FHIT: variants seen among roughly 807,000 people sequenced by gnomAD.
The protein encoded by FHIT is bis(5'-adenosyl)-triphosphatase.
In FHIT, 19 loss-of-function variants were observed where a neutral mutation model predicts 17.9. The observed-to-expected ratio is 1.06, with a 90% CI of 0.74 to 1.56. The LOEUF (loss-of-function observed/expected upper bound fraction) is 1.56. Among genes scored for constraint, FHIT ranks in the 40% most tolerant of loss-of-function variants. FHIT has a pLI of 0.00. For synonymous variants in FHIT, 81 were observed against 69.7 expected, an observed-to-expected ratio of 1.16 and a Z score of -0.81; for missense variants, 248 against 189.2, an observed-to-expected ratio of 1.31 and a Z score of -1.82.
chr3:60,101,618 C>T (rs764591015), intron 5 of FHIT, among the ~76,000 whole-genome samples: 1 of 152,194 alleles, frequency 6.6e-6, no homozygotes, highest in Admixed American at 6.5e-5. Flanking sequence ...CTTCAATTTT[C>T]CCTATTGGAA....
At chr3:60,889,673 T>C (rs1245058460) in intron 3 of FHIT, among the ~76,000 whole-genome samples, 1 of 152,156 alleles carries the variant, frequency 6.6e-6, no homozygotes, top group Non-Finnish European at 1.5e-5. Flanking sequence ...TATAGCTGTA[T>C]GGGTGGTTCA....
At chr3:60,708,182 G>T (rs1456912990) in intron 4 of FHIT, among the ~76,000 whole-genome samples, 1 of 152,118 alleles carries the variant, frequency 6.6e-6, no homozygotes, top group East Asian at 1.9e-4. Flanking sequence ...TCAGCAAACG[G>T]ATTCCTAAGC....
intron 8 of FHIT, among the ~76,000 whole-genome samples, chr3:59,910,587 A>AACC (rs1483906690): frequency 1.3e-5 from 2 of 152,124 alleles, no homozygotes; most frequent in African/African-American, 4.8e-5. Flanking sequence ...CTAGATGGGT[A>AACC]GGTCTTGAGT....
rs199966758 is a variant in FHIT at position 61,033,256 on chromosome 3, T to C, written c.-111+8791A>G. On this transcript the variant is annotated intron_variant, in intron 3 of 9. Coordinates refer to ENST00000492590, the MANE Select transcript of FHIT (RefSeq NM_002012.4). ...CGTATTTTTGTTAACAAAGCTTTACTGGAACACAGCCAGTTATTTGTTTAC... is the reference window on the plus strand; with the variant it reads ...CGTATTTTTGTTAACAAAGCTTTACCGGAACACAGCCAGTTATTTGTTTAC... Among the ~76,000 whole-genome samples, 11 of 152,328 alleles carry C rather than the reference T, an allele frequency of 7.2e-5. No individual in the cohort carries two copies. The East Asian group carries it at 2.1e-3, about 29-fold the overall frequency.
At chr3:60,250,174 T>C (rs575784017) in intron 5 of FHIT, among the ~76,000 whole-genome samples, 120 of 152,158 alleles carry the variant, frequency 7.9e-4, no homozygotes, top group Non-Finnish European at 1.2e-3. Flanking sequence ...AGAGAGGCCA[T>C]ACATGCACTA....
intron 4 of FHIT, among the ~76,000 whole-genome samples, chr3:60,666,864 C>CTT (rs71092626): frequency 0.012 from 1,513 of 122,134 alleles, 43 homozygotes; most frequent in African/African-American, 0.027. Flanking sequence ...CTTTTCTTTT[C>CTT]TTTTTTTTTT....
Position 60,441,740 on chromosome 3 carries a change from A to ATATATATATTTG in FHIT, c.103+95119_103+95120insCAAATATATATA, listed in dbSNP as rs1559915977. On this transcript the variant is annotated intron_variant, in intron 5 of 9. Coordinates refer to ENST00000492590, the MANE Select transcript of FHIT (RefSeq NM_002012.4). ...TATATATATTTGTATTTATATATAT[A>ATATATATATTTG]TATTTATATATATAAAAATATATAT... Among the ~76,000 whole-genome samples the ATATATATATTTG allele has an allele frequency of 7.4e-5, 7 of 94,196 alleles. No homozygotes were observed. The East Asian group carries it at 2.0e-3, about 27-fold the overall frequency. 61.8% of individuals were successfully genotyped at this position (94,196 alleles called of 152,430 possible). A position where few individuals can be genotyped will look rare whatever the true frequency, so the allele number is the denominator to read the frequency against.
At chr3:61,176,560 A>C (rs2038161682) in intron 2 of FHIT, among the ~76,000 whole-genome samples, 1 of 152,212 alleles carries the variant, frequency 6.6e-6, no homozygotes, top group South Asian at 2.1e-4. Context: ...TACTTTATAA[A>C]GCTTTTTTTA....
chr3:60,130,994 C>T (rs1384364203), intron 5 of FHIT, among the ~76,000 whole-genome samples: 3 of 106,610 alleles, frequency 2.8e-5, no homozygotes, highest in Admixed American at 2.1e-4. Flanking sequence ...CATATATACA[C>T]ATATATACAT....
At chr3:60,263,807 T>C (rs1053446446) in intron 5 of FHIT, among the ~76,000 whole-genome samples, 1 of 151,824 alleles carries the variant, frequency 6.6e-6, no homozygotes, top group Non-Finnish European at 1.5e-5. Context: ...ACTAAAGAAA[T>C]AAAGTCTTTA....
chr3:60,606,592 C>T (rs530813834), intron 4 of FHIT, among the ~76,000 whole-genome samples: 2 of 152,174 alleles, frequency 1.3e-5, no homozygotes, highest in East Asian at 3.9e-4. Context: ...TTATAAGCCA[C>T]CATTAGGATA....
intron 5 of FHIT, among the ~76,000 whole-genome samples, chr3:60,201,369 TG>T (rs1702897297): frequency 1.3e-5 from 2 of 152,112 alleles, no homozygotes; most frequent in Non-Finnish European, 2.9e-5. Context: ...TTTTAAGAGA[TG>T]GGGTCTCACT....
intron 8 of FHIT, among the ~76,000 whole-genome samples, chr3:59,768,777 C>CAAAT: frequency 6.6e-6 from 1 of 152,318 alleles, no homozygotes; most frequent in African/African-American, 2.4e-5. Flanking sequence ...CCTCAGTCCT[C>CAAAT]AAATAAGAGT....
chr3:60,758,779 A>G (rs1489773940), intron 4 of FHIT, among the ~76,000 whole-genome samples: 2 of 152,124 alleles, frequency 1.3e-5, no homozygotes, highest in African/African-American at 2.4e-5. Context: ...CAAAATGCCT[A>G]CTCTCTTGGA....
At chr3:61,034,564 T>C (rs929695833) in intron 3 of FHIT, among the ~76,000 whole-genome samples, 11 of 152,210 alleles carry the variant, frequency 7.2e-5, no homozygotes, top group East Asian at 1.9e-4. Flanking sequence ...GAAATGCAAA[T>C]GAAAACCACA....
intron 7 of FHIT, among the ~76,000 whole-genome samples, chr3:59,953,228 C>T (rs141685542): frequency 1.1e-4 from 17 of 151,900 alleles, no homozygotes; most frequent in Non-Finnish European, 2.5e-4. Flanking sequence ...ACGTGTGTAC[C>T]TCTTTCTTGG....
At chr3:60,553,294 T>C in intron 4 of FHIT, 2 of 425,194 alleles carry the variant, frequency 4.7e-6, no homozygotes, top group Non-Finnish European at 6.3e-6. Context: ...CATTATACAT[T>C]GTTTTGGTTA....
intron 8 of FHIT, among the ~76,000 whole-genome samples, chr3:59,796,043 G>T (rs952248822): frequency 2.0e-5 from 3 of 152,190 alleles, no homozygotes; most frequent in Non-Finnish European, 4.4e-5. Context: ...GGTGGAGACA[G>T]GGAATGCCAC....
chr3:60,649,328 G>A (rs1171090098), intron 4 of FHIT, among the ~76,000 whole-genome samples: 1 of 152,202 alleles, frequency 6.6e-6, no homozygotes, highest in East Asian at 1.9e-4. Context: ...CGTTAACCTG[G>A]GAGGCAGAGC....
Sources: gnomAD v4.1 joint callset for allele counts (sites outside exome capture counted in the v4.1 genomes callset) on GRCh38, gnomAD v4.1.1 for gene constraint, MANE v1.5 for transcripts, NCBI Gene and HGNC (gene_info 2026-07-23, HGNC 2026-07-21) for gene names.